The following GRK5 variants were observed in gnomAD, a reference collection of about 807,000 sequenced individuals.
GRK5 encodes g protein-coupled receptor kinase GRK5.
In GRK5, 40 loss-of-function variants were observed where a neutral mutation model predicts 78.4. That is an observed-to-expected ratio of 0.51 (90% CI 0.40 to 0.66). GRK5 has a LOEUF of 0.66. GRK5 is among the 30% of genes least tolerant of loss of function. The probability of loss-of-function intolerance (pLI) is 0.00; values close to 1 mark genes in which losing one functional copy is unlikely to be tolerated. For synonymous variants in GRK5, 289 were observed against 296.8 expected (o/e 0.97, Z 0.27); for missense variants, 598 against 759.9 (o/e 0.79, Z 2.50).
intron 2 of GRK5, among the ~76,000 whole-genome samples, chr10:119,365,617 A>G (rs1306615160): frequency 6.6e-6 from 1 of 152,222 alleles, no homozygotes; most frequent in East Asian, 1.9e-4. Context: ...TAGAGCAGCT[A>G]GGCAGGAGGC....
chr10:119,330,731 T>G (rs940271915), intron 2 of GRK5, among the ~76,000 whole-genome samples: 1 of 151,996 alleles, frequency 6.6e-6, no homozygotes, highest in Non-Finnish European at 1.5e-5. Flanking sequence ...TTAAGACTCT[T>G]AGATCTAGGA....
chr10:119,246,421 T>C (rs1353670572), intron 1 of GRK5, among the ~76,000 whole-genome samples: 1 of 152,172 alleles, frequency 6.6e-6, no homozygotes, highest in Admixed American at 6.6e-5. Flanking sequence ...TCCATGGATG[T>C]GGAACCTGTG....
intron 1 of GRK5, among the ~76,000 whole-genome samples, chr10:119,226,225 G>A (rs1381971464): frequency 2.6e-5 from 4 of 151,270 alleles, no homozygotes; most frequent in African/African-American, 7.3e-5. Context: ...TGATCTGCCC[G>A]TCTCGGCTCC....
chr10:119,328,489 T>C (rs1293645670), intron 2 of GRK5, among the ~76,000 whole-genome samples: 3 of 152,198 alleles, frequency 2.0e-5, no homozygotes, highest in African/African-American at 7.2e-5. Context: ...GCCCAGCAAG[T>C]ACCCCCTTTC....
intron 2 of GRK5, among the ~76,000 whole-genome samples, chr10:119,349,543 C>T (rs1316253900): frequency 6.6e-6 from 1 of 152,196 alleles, no homozygotes; most frequent in Admixed American, 6.5e-5. Flanking sequence ...TGGGCACCAG[C>T]CAAGACCTGT....
chr10:119,396,846 G>A (rs919442266), intron 4 of GRK5, 74 bp downstream of exon 4: 66 of 1,145,262 alleles, frequency 5.8e-5, no homozygotes, highest in Non-Finnish European at 8.2e-5. Context: ...CTAAGTCTGT[G>A]CCAGGCCACA....
intron 1 of GRK5, among the ~76,000 whole-genome samples, chr10:119,227,640 A>G (rs893607672): frequency 1.3e-5 from 2 of 152,192 alleles, no homozygotes; most frequent in African/African-American, 4.8e-5. Flanking sequence ...GGATGGAGAT[A>G]GTAAATGGGG....
intron 5 of GRK5, among the ~76,000 whole-genome samples, chr10:119,423,837 G>A (rs1475974326): frequency 2.0e-5 from 3 of 152,068 alleles, no homozygotes; most frequent in African/African-American, 7.2e-5. Flanking sequence ...ACAGGCTCAT[G>A]AAAGTTCTCC....
At chr10:119,433,363 C>T (rs545777983) in intron 8 of GRK5, among the ~76,000 whole-genome samples, 13 of 152,320 alleles carry the variant, frequency 8.5e-5, no homozygotes, top group Middle Eastern at 3.4e-3. Flanking sequence ...ACAGTGCTGG[C>T]GGGTTCTGCT....
At chr10:119,287,129 CAGGGAGGGAAGGAAGCA>C (rs895942998) in intron 1 of GRK5, among the ~76,000 whole-genome samples, 2 of 101,380 alleles carry the variant, frequency 2.0e-5, no homozygotes, top group Admixed American at 1.1e-4. Context: ...ATGGAGAAGG[CAGGGAGGGAAGGAAGCA>C]AGGGAGGGAA....
intron 2 of GRK5, among the ~76,000 whole-genome samples, chr10:119,368,233 GAAGTA>G (rs1303432427): frequency 6.6e-6 from 1 of 152,270 alleles, no homozygotes; most frequent in Non-Finnish European, 1.5e-5. Context: ...GCACTGAGCG[GAAGTA>G]AAGACTCCCA....
At chr10:119,424,670 T>C (rs1333553012) in intron 5 of GRK5, among the ~76,000 whole-genome samples, 2 of 151,458 alleles carry the variant, frequency 1.3e-5, no homozygotes, top group African/African-American at 2.4e-5. Context: ...AACTCATTCA[T>C]GATGACATAC....
At chr10:119,399,504 T>A (rs1473007140) in intron 4 of GRK5, among the ~76,000 whole-genome samples, 2 of 152,182 alleles carry the variant, frequency 1.3e-5, no homozygotes, top group African/African-American at 4.8e-5. Flanking sequence ...AGTATGTAGC[T>A]TGTGTGTCTC....
At chr10:119,415,358 G>A (rs1307874554) in intron 4 of GRK5, among the ~76,000 whole-genome samples, 3 of 152,172 alleles carry the variant, frequency 2.0e-5, no homozygotes, top group Non-Finnish European at 4.4e-5. Flanking sequence ...CCAGTGTGGG[G>A]CCAGAGCACT....
In GRK5 at chr10:119,261,805, C is replaced by T. The variant is rs141501107; in HGVS notation, c.52+53836C>T. ...TTGCAGGCACTCCGCAGGCTGAGGC[C>T]GGAGAATCAGGCAGGGAGGTTGCAG... is the stretch of plus-strand genomic sequence containing the variant. On this transcript the variant is annotated intron_variant, in intron 1 of 15. Coordinates refer to ENST00000392870, the MANE Select transcript of GRK5 (RefSeq NM_005308.3). Among the ~76,000 whole-genome samples the T allele has an allele frequency of 1.6e-4, 24 of 152,054 alleles. No individual in the cohort carries two copies. In the South Asian group the frequency reaches 3.7e-3, roughly 24 times the overall value.
At chr10:119,365,750 A>G (rs940514275) in intron 2 of GRK5, among the ~76,000 whole-genome samples, 7 of 152,162 alleles carry the variant, frequency 4.6e-5, no homozygotes, top group African/African-American at 1.4e-4. Flanking sequence ...CTCTATGACT[A>G]TGTTCCCCTC....
intron 13 of GRK5, among the ~76,000 whole-genome samples, chr10:119,450,238 C>T (rs370732537): frequency 2.0e-4 from 30 of 152,194 alleles, no homozygotes; most frequent in African/African-American, 2.9e-4. Flanking sequence ...GTTTGGAACC[C>T]GGGTGGCCAT....
Position 119,452,347 on chromosome 10 carries a change from G to A in GRK5, c.1405-324G>A, listed in dbSNP as rs377241978. 50 of 324,686 alleles carry A rather than the reference G, an allele frequency of 1.5e-4. No individual in the cohort carries two copies. The East Asian group carries it at 2.6e-3, about 17-fold the overall frequency. 20.1% of individuals were successfully genotyped at this position (324,686 alleles called of 1,614,324 possible). On this transcript the variant is annotated intron_variant, in intron 13 of 15. Coordinates refer to ENST00000392870, the MANE Select transcript of GRK5 (RefSeq NM_005308.3). This position sits in a 1 kb window ranked among gnomAD's most constrained non-coding sequence, Gnocchi z 4.4. ...GAATGAGCCCTGGGCTGGGCACCCA[G>A]GTGCCCCGAGCTCCTGTGTCACCCC... is the stretch of plus-strand genomic sequence containing the variant.
chr10:119,254,504 A>T (rs1033597933), intron 1 of GRK5, among the ~76,000 whole-genome samples: 1 of 152,106 alleles, frequency 6.6e-6, no homozygotes, highest in Non-Finnish European at 1.5e-5. Flanking sequence ...GGCAGCTTGG[A>T]ACAAGAAACC....
Sources: gnomAD v4.1 joint callset for allele counts (sites outside exome capture counted in the v4.1 genomes callset) on GRCh38, gnomAD v4.1.1 for gene constraint, Gnocchi (gnomAD v3.1) non-coding constraint, MANE v1.5 for transcripts, NCBI Gene and HGNC (gene_info 2026-07-23, HGNC 2026-07-21) for gene names.